EBF1: variants seen among roughly 807,000 people sequenced by gnomAD.
EBF1 encodes EBF transcription factor 1, also known as transcription factor COE1.
Under a neutral mutation model 68.4 loss-of-function variants are expected in EBF1, and 10 were observed. The observed-to-expected ratio is 0.15, with a 90% confidence interval of 0.09 to 0.25. The LOEUF is 0.25. EBF1 is among the 10% of genes least tolerant of loss of function. The pLI is 1.00. For synonymous variants in EBF1, 298 were observed against 299.8 expected, an observed-to-expected ratio of 0.99 and a Z score of 0.06; for missense variants, 509 against 794.4, an observed-to-expected ratio of 0.64 and a Z score of 4.32.
intron 6 of EBF1, among the ~76,000 whole-genome samples, chr5:159,014,042 C>T (rs1161884003): frequency 6.6e-6 from 1 of 152,176 alleles, no homozygotes; most frequent in South Asian, 2.1e-4. Context: ...CATTGGGCTT[C>T]CTAAGCACAC....
chr5:158,964,181 C>T (rs1171398194), intron 6 of EBF1, among the ~76,000 whole-genome samples: 1 of 152,086 alleles, frequency 6.6e-6, no homozygotes, highest in African/African-American at 2.4e-5. Flanking sequence ...AAAGCAAGCT[C>T]AGAGTTCACG....
Position 158,697,979 on chromosome 5 carries a change from C to T in EBF1, c.*1132G>A. 1 of 211,154 alleles carries T rather than the reference C, an allele frequency of 4.7e-6. No individual in the cohort carries two copies. Among genetic ancestry groups the T allele is most frequent in the Non-Finnish European group, 9.6e-6 (1 of 104,112 alleles). The allele number at this position is 211,154 out of a possible 1,614,324, so 13.1% of individuals were successfully genotyped here. A position where few individuals can be genotyped will look rare whatever the true frequency, so the allele number is the denominator to read the frequency against. On this transcript the variant is annotated 3_prime_UTR_variant, in exon 16 of 16. Coordinates refer to ENST00000313708, the MANE Select transcript of EBF1 (RefSeq NM_024007.5). ...TTTCTCCACCCCCGGTTCCCTTTAA[C>T]TCTTAATTCCAAAGCACTTAACCTG...
chr5:159,011,028 G>A (rs1044785602), intron 6 of EBF1, among the ~76,000 whole-genome samples: 1 of 152,174 alleles, frequency 6.6e-6, no homozygotes, highest in South Asian at 2.1e-4. Flanking sequence ...AAGACTTTGC[G>A]GGGAGGGTGA....
intron 9 of EBF1, among the ~76,000 whole-genome samples, chr5:158,790,945 A>G (rs2127727247): frequency 6.6e-6 from 1 of 152,348 alleles, no homozygotes; most frequent in Non-Finnish European, 1.5e-5. Context: ...AAAGAACAAT[A>G]GTGGAAGAAA....
Position 159,099,599 on chromosome 5 carries a change from T to TC in EBF1, c.-122dup. On this transcript the variant is annotated 5_prime_UTR_variant, in exon 1 of 16. Coordinates refer to ENST00000313708, the MANE Select transcript of EBF1 (RefSeq NM_024007.5). ...AACGCCAACCAGAGATTTTTTTTTT[T>TC]CTCAGACGATGAACTCGCACTTAGA... 7.7e-7 allele frequency: 1 copy of TC among 1,307,144 alleles called. No individual in the cohort carries two copies. The highest frequency in any genetic ancestry group is 1.5e-5 in the African/African-American group (1 of 64,870). 81.0% of individuals were successfully genotyped at this position (1,307,144 alleles called of 1,614,324 possible).
intron 6 of EBF1, among the ~76,000 whole-genome samples, chr5:158,966,874 A>G (rs1285488483): frequency 6.6e-6 from 1 of 152,252 alleles, no homozygotes; most frequent in Non-Finnish European, 1.5e-5. Flanking sequence ...GCCAAGGGTT[A>G]GCTGCCAAGA....
At chr5:159,054,832 A>G (rs1774454505) in intron 6 of EBF1, among the ~76,000 whole-genome samples, 2 of 152,250 alleles carry the variant, frequency 1.3e-5, no homozygotes, top group African/African-American at 4.8e-5. Context: ...ACCTCTGCCC[A>G]CAACCTTTTG....
chr5:158,868,301 A>G (rs1203547696), intron 6 of EBF1, among the ~76,000 whole-genome samples: 1 of 152,178 alleles, frequency 6.6e-6, no homozygotes, highest in African/African-American at 2.4e-5. Flanking sequence ...CTTATGTGTT[A>G]GAGATGTTAG....
chr5:158,782,691 A>G (rs75536137), intron 9 of EBF1, among the ~76,000 whole-genome samples: 3,781 of 152,192 alleles, frequency 0.025, 165 homozygotes, highest in African/African-American at 0.087. Context: ...AAAATAAAAA[A>G]CAAATTAAGT....
chr5:159,091,193 C>A (rs1396897558), intron 4 of EBF1, among the ~76,000 whole-genome samples: 1 of 152,146 alleles, frequency 6.6e-6, no homozygotes. Flanking sequence ...GCGTAAATAT[C>A]CCCGAACAAA....
chr5:159,023,377 G>A (rs575311932), intron 6 of EBF1, among the ~76,000 whole-genome samples: 78 of 152,206 alleles, frequency 5.1e-4, no homozygotes, highest in African/African-American at 1.7e-3. Context: ...ACCAAGCAAC[G>A]CCTTTTGACT....
At chr5:158,810,815 A>G (rs1782499646) in intron 8 of EBF1, among the ~76,000 whole-genome samples, 1 of 152,082 alleles carries the variant, frequency 6.6e-6, no homozygotes. Context: ...CAAGAGTGTT[A>G]CTTTTGTGTT....
intron 10 of EBF1, among the ~76,000 whole-genome samples, chr5:158,756,672 CT>C (rs369078982): frequency 2.7e-5 from 4 of 149,786 alleles, no homozygotes; most frequent in Non-Finnish European, 4.5e-5. Flanking sequence ...TTGCAGCTGC[CT>C]TTTTTTTTAA....
intron 6 of EBF1, among the ~76,000 whole-genome samples, chr5:158,953,285 T>C (rs1816423187): frequency 6.6e-6 from 1 of 152,228 alleles, no homozygotes; most frequent in Non-Finnish European, 1.5e-5. Flanking sequence ...TAAGCAGTTG[T>C]AATTGCTCCT....
At chr5:159,092,619 T>A (rs1351870275) in intron 4 of EBF1, among the ~76,000 whole-genome samples, 1 of 152,234 alleles carries the variant, frequency 6.6e-6, no homozygotes, top group African/African-American at 2.4e-5. Context: ...TATGGAAATG[T>A]AGAATGCAAA....
At chr5:158,975,255 TA>T (rs1261511713) in intron 6 of EBF1, among the ~76,000 whole-genome samples, 2 of 152,178 alleles carry the variant, frequency 1.3e-5, no homozygotes, top group Non-Finnish European at 2.9e-5. Context: ...TCTCTTTCCA[TA>T]GTCCTGACCC....
chr5:158,999,460 A>T (rs960085016), intron 6 of EBF1, among the ~76,000 whole-genome samples: 2 of 152,228 alleles, frequency 1.3e-5, no homozygotes, highest in African/African-American at 4.8e-5. Context: ...CGGGAACATG[A>T]GATGTTTTCA....
chr5:158,982,662 T>C (rs1378631090), intron 6 of EBF1, among the ~76,000 whole-genome samples: 1 of 150,922 alleles, frequency 6.6e-6, no homozygotes, highest in Non-Finnish European at 1.5e-5. Context: ...CTTAAATTTT[T>C]CCATCACAAG....
At chr5:159,084,620 C>A (rs1371795847) in intron 5 of EBF1, 46 bp downstream of exon 5, 66 of 1,387,492 alleles carry the variant, frequency 4.8e-5, no homozygotes, top group Non-Finnish European at 5.6e-5. Flanking sequence ...AATGCAAATT[C>A]ATCTTCTCTT....
Sources: allele counts gnomAD v4.1 joint callset (sites outside exome capture counted in the v4.1 genomes callset), GRCh38; gene constraint gnomAD v4.1.1; transcripts MANE v1.5; gene names NCBI Gene and HGNC (gene_info 2026-07-23, HGNC 2026-07-21).